The following RELN variants were observed in gnomAD, a reference collection of about 807,000 sequenced individuals.
The protein encoded by RELN is reelin.
A neutral mutation model predicts 427.6 loss-of-function variants in RELN; 108 were observed. The observed-to-expected ratio is 0.25, with a 90% CI of 0.22 to 0.30. The LOEUF (loss-of-function observed/expected upper bound fraction) is 0.30, where lower values mean the gene tolerates loss of function less well. Ranked by LOEUF, RELN falls within the 10% of genes least tolerant of loss-of-function variation. The probability of loss-of-function intolerance (pLI) is 1.00; values close to 1 mark genes in which losing one functional copy is unlikely to be tolerated. For missense variants in RELN, 3,715 were observed against 4,302.8 expected (o/e 0.86, Z 3.82); for synonymous variants, 1,524 against 1,513.4 (o/e 1.01, Z -0.16).
At chr7:103,727,568 C>CA in intron 7 of RELN, among the ~76,000 whole-genome samples, 1 of 152,248 alleles carries the variant, frequency 6.6e-6, no homozygotes, top group East Asian at 1.9e-4. Flanking sequence ...AGCTGCTAAT[C>CA]AATCTGAAGT....
rs1406646076 is a variant in RELN at position 103,589,845 on chromosome 7, C to A, written c.3913-17G>T. The A allele has an allele frequency of 6.6e-7, 1 of 1,513,196 alleles. No individual in the cohort carries two copies. The highest frequency in any genetic ancestry group is 2.3e-5 in the East Asian group (1 of 44,368). The allele number at this position is 1,513,196 out of a possible 1,614,324, so 93.7% of individuals were successfully genotyped here. A position where few individuals can be genotyped will look rare whatever the true frequency, so the allele number is the denominator to read the frequency against. ...TATGTTTAGCTGTTAAAAGGAAGGA[C>A]AAGAATTATACAAGATTTTGGTTCT... On this transcript the variant is annotated splice_polypyrimidine_tract_variant and intron_variant, in intron 27 of 64. Transcript: ENST00000428762.
chr7:103,854,068 A>C (rs1425043399), intron 2 of RELN, among the ~76,000 whole-genome samples: 1 of 152,180 alleles, frequency 6.6e-6, no homozygotes, highest in African/African-American at 2.4e-5. Context: ...TATGTATCGA[A>C]ATGTCACTCT....
intron 2 of RELN, among the ~76,000 whole-genome samples, chr7:103,848,689 T>C (rs1199622308): frequency 1.3e-5 from 2 of 152,246 alleles, no homozygotes; most frequent in African/African-American, 2.4e-5. Flanking sequence ...ACTATGGGAA[T>C]TGTATTTTGG....
intron 3 of RELN, among the ~76,000 whole-genome samples, chr7:103,808,096 T>A (rs1792644545): frequency 6.6e-6 from 1 of 152,186 alleles, no homozygotes; most frequent in South Asian, 2.1e-4. Context: ...TTGGAAAGTC[T>A]GTTTAAAAGA....
intron 11 of RELN, among the ~76,000 whole-genome samples, chr7:103,672,603 G>A (rs1833417544): frequency 6.6e-6 from 1 of 152,060 alleles, no homozygotes; most frequent in Non-Finnish European, 1.5e-5. Context: ...ATCCATTTTA[G>A]CACTTGTGTG....
intron 18 of RELN, among the ~76,000 whole-genome samples, 174 bp from the exon 19 acceptor site, chr7:103,635,760 A>G (rs913759822): frequency 1.3e-5 from 2 of 152,236 alleles, no homozygotes; most frequent in Admixed American, 6.5e-5. Flanking sequence ...ACATGTTGAT[A>G]TACATATTTT....
At chr7:103,931,328 T>C (rs1178931634) in intron 1 of RELN, among the ~76,000 whole-genome samples, 1 of 152,200 alleles carries the variant, frequency 6.6e-6, no homozygotes, top group Non-Finnish European at 1.5e-5. Context: ...CTCTTCCTGT[T>C]GAAATCCTCC....
At chr7:103,705,546 A>G (rs1329421229) in intron 8 of RELN, among the ~76,000 whole-genome samples, 1 of 152,242 alleles carries the variant, frequency 6.6e-6, no homozygotes, top group Non-Finnish European at 1.5e-5. Flanking sequence ...AGTCTACATG[A>G]TAATGAATTC....
chr7:103,550,113 C>T (rs777063402), intron 41 of RELN, among the ~76,000 whole-genome samples: 21 of 152,274 alleles, frequency 1.4e-4, no homozygotes, highest in Non-Finnish European at 2.8e-4. Context: ...TATTCAACAA[C>T]CCAAAATATT....
At chr7:103,717,605 A>G (rs1562969620) in intron 8 of RELN, among the ~76,000 whole-genome samples, 1 of 151,860 alleles carries the variant, frequency 6.6e-6, no homozygotes, top group Non-Finnish European at 1.5e-5. Flanking sequence ...ACCTTATAAA[A>G]CATATGTATT....
chr7:103,493,703 T>A (rs1828740317), intron 57 of RELN, among the ~76,000 whole-genome samples: 1 of 151,484 alleles, frequency 6.6e-6, no homozygotes, highest in Admixed American at 6.6e-5. Flanking sequence ...ATCAAAGAGG[T>A]AGAAGGAGAA....
intron 64 of RELN, among the ~76,000 whole-genome samples, chr7:103,473,964 A>G (rs1827943999): frequency 6.6e-6 from 1 of 152,198 alleles, no homozygotes; most frequent in African/African-American, 2.4e-5. Context: ...TGTGATTCCA[A>G]CATAAAGATC....
chr7:103,884,140 C>A (rs1215346043), intron 2 of RELN, among the ~76,000 whole-genome samples: 1 of 152,110 alleles, frequency 6.6e-6, no homozygotes, highest in Non-Finnish European at 1.5e-5. Context: ...CATCTACAAC[C>A]ATCTGATCTT....
At chr7:103,909,909 T>C in intron 2 of RELN, among the ~76,000 whole-genome samples, 1 of 141,720 alleles carries the variant, frequency 7.1e-6, no homozygotes, top group Non-Finnish European at 1.5e-5. Flanking sequence ...ACATTGAAAA[T>C]AATCTGATAA....
At chr7:103,552,293 T>G (rs570351643) in intron 40 of RELN, among the ~76,000 whole-genome samples, 5 of 152,310 alleles carry the variant, frequency 3.3e-5, no homozygotes, top group African/African-American at 1.2e-4. Context: ...AACATTTTCT[T>G]ACTATCATGC....
chr7:103,779,244 T>C (rs945147963), intron 3 of RELN, among the ~76,000 whole-genome samples: 15 of 152,284 alleles, frequency 9.9e-5, no homozygotes, highest in Non-Finnish European at 2.2e-4. Flanking sequence ...CTAGGCTTTA[T>C]ATGTTCTAAT....
intron 8 of RELN, among the ~76,000 whole-genome samples, chr7:103,702,481 T>C (rs1332535223): frequency 2.0e-5 from 3 of 152,210 alleles, no homozygotes; most frequent in Non-Finnish European, 4.4e-5. Context: ...TTCTTGTGAA[T>C]TGTTTACAAA....
At chr7:103,516,009 T>C (rs1829559001) in intron 49 of RELN, among the ~76,000 whole-genome samples, 1 of 152,168 alleles carries the variant, frequency 6.6e-6, no homozygotes, top group South Asian at 2.1e-4. Flanking sequence ...TTTAAAATTG[T>C]ATATATTCAT....
At chr7:103,629,784 C>T (rs1381192422) in intron 20 of RELN, among the ~76,000 whole-genome samples, 156 bp downstream of exon 20, 3 of 152,102 alleles carry the variant, frequency 2.0e-5, no homozygotes, top group Non-Finnish European at 2.9e-5. Context: ...TGTAGACATA[C>T]TTGTAACAAC....
Sources: allele counts gnomAD v4.1 joint callset (sites outside exome capture counted in the v4.1 genomes callset), GRCh38; gene constraint gnomAD v4.1.1; transcripts MANE v1.5; gene names NCBI Gene and HGNC (gene_info 2026-07-23, HGNC 2026-07-21).